The following EFL1 variants were observed in gnomAD, a reference collection of about 807,000 sequenced individuals.
EFL1 encodes the protein elongation factor-like GTPase 1.
A neutral mutation model predicts 126.7 loss-of-function variants in EFL1; 76 were observed. The observed-to-expected ratio is 0.60, with a 90% CI of 0.50 to 0.73. EFL1 has a LOEUF of 0.73. Ranked by LOEUF, EFL1 falls within the 30% of genes least tolerant of loss-of-function variation. EFL1 has a pLI of 0.00. For missense variants in EFL1, 1,128 were observed against 1,343.2 expected, an observed-to-expected ratio of 0.84 and a Z score of 2.50; for synonymous variants, 410 against 448.4, an observed-to-expected ratio of 0.91 and a Z score of 1.08.
At chr15:82,138,935 T>C in intron 18 of EFL1, 93 bp from the exon 19 acceptor site, 1 of 1,148,564 alleles carries the variant, frequency 8.7e-7, no homozygotes, top group Non-Finnish European at 1.2e-6. Flanking sequence ...TAACAATCCA[T>C]AAATGATTAA....
chr15:82,209,632 G>A (rs1473193801), intron 15 of EFL1, among the ~76,000 whole-genome samples: 1 of 152,206 alleles, frequency 6.6e-6, no homozygotes, highest in African/African-American at 2.4e-5. Context: ...GATATTCTCA[G>A]TAGGGAAAAG....
rs551933884 is a variant in EFL1, at chr15:82,261,636, G to C, written c.91+52C>G. ...CAGCTTCACTCCACTGAGACATACAGAGACACATCTCCCTTATTTATCAAA... is the reference window on the plus strand; with the variant it reads ...CAGCTTCACTCCACTGAGACATACACAGACACATCTCCCTTATTTATCAAA... On this transcript the variant is annotated intron_variant, in intron 2 of 19. Transcript: ENST00000268206. The C allele has an allele frequency of 5.3e-5, 82 of 1,534,700 alleles. 1 individual carries two copies. The South Asian group carries it at 7.7e-4, about 14-fold the overall frequency.
At chr15:82,225,424 A>G (rs1388971653) in intron 11 of EFL1, among the ~76,000 whole-genome samples, 160 bp from the exon 12 acceptor site, 1 of 152,250 alleles carries the variant, frequency 6.6e-6, no homozygotes, top group Non-Finnish European at 1.5e-5. Context: ...AATTTTAATT[A>G]GAAAAGGGTA....
rs552358809 is a variant in EFL1 at position 82,258,178 on chromosome 15, CTT to C, written c.159+908_159+909del. Among the ~76,000 whole-genome samples the C allele has an allele frequency of 1.5e-3, 225 of 152,306 alleles. 1 individual carries two copies. The highest frequency in any genetic ancestry group is 5.3e-3 in the African/African-American group (219 of 41,550). Reference sequence around the variant, plus strand: ...AAATTCATTATGGAAACGAATATATCTTTATTTTTCTACTGCCAAGTAAATTA... The same window carrying C: ...AAATTCATTATGGAAACGAATATATCTATTTTTCTACTGCCAAGTAAATTA... On this transcript the variant is annotated intron_variant, in intron 3 of 19. Coordinates refer to ENST00000268206, the MANE Select transcript of EFL1 (RefSeq NM_024580.6).
chr15:82,156,302 T>C (rs1312160950), intron 17 of EFL1, among the ~76,000 whole-genome samples: 2 of 152,200 alleles, frequency 1.3e-5, no homozygotes, highest in Non-Finnish European at 2.9e-5. Context: ...ATTCTATTTT[T>C]TTTGAGACAG....
intron 19 of EFL1, among the ~76,000 whole-genome samples, chr15:82,132,745 C>T (rs915246931): frequency 6.0e-5 from 8 of 132,632 alleles, no homozygotes; most frequent in Admixed American, 1.5e-4. Context: ...AGACGAGAAA[C>T]GGCAGTTAAG....
intron 4 of EFL1, among the ~76,000 whole-genome samples, chr15:82,251,038 C>A (rs942299810): frequency 1.3e-5 from 2 of 151,982 alleles, no homozygotes; most frequent in Admixed American, 1.3e-4. Context: ...ATGGTGAAAC[C>A]CCGCCTCTAC....
intron 3 of EFL1, among the ~76,000 whole-genome samples, chr15:82,256,592 C>T (rs1314682415): frequency 6.6e-6 from 1 of 152,168 alleles, no homozygotes; most frequent in Non-Finnish European, 1.5e-5. Flanking sequence ...AGTTTTAACA[C>T]TTCATCATTA....
intron 9 of EFL1, among the ~76,000 whole-genome samples, 197 bp downstream of exon 9, chr15:82,228,837 T>G (rs2074791496): frequency 6.6e-6 from 1 of 152,200 alleles, no homozygotes; most frequent in Non-Finnish European, 1.5e-5. Context: ...TGCTATCCTG[T>G]CCCTCCAACA....
intron 3 of EFL1, among the ~76,000 whole-genome samples, chr15:82,255,671 T>C (rs187932820): frequency 6.6e-6 from 1 of 152,292 alleles, no homozygotes; most frequent in Admixed American, 6.5e-5. Flanking sequence ...TTGTGTGTGG[T>C]GTTAACTAGA....
intron 19 of EFL1, among the ~76,000 whole-genome samples, chr15:82,138,202 T>C (rs1334971874): frequency 6.6e-6 from 1 of 152,140 alleles, no homozygotes; most frequent in Non-Finnish European, 1.5e-5. Flanking sequence ...CAGTACATAA[T>C]AATTTAAAGC....
chr15:82,219,674 C>T lies in EFL1; in HGVS notation c.1589G>A (p.Ser530Asn), dbSNP rs1267396616. Residue 530 changes from serine to asparagine, a missense_variant, in exon 14 of 20, where the codon AGT (serine) becomes AAT (asparagine). This residue lies in a region of EFL1 where 120 missense variants were observed against 142.1 expected (regional missense o/e 0.84). Coordinates refer to ENST00000268206, the MANE Select transcript of EFL1 (RefSeq NM_024580.6). ...TACCCTTCGTAAAAACTCAAGAGGA[C>T]TGTATTTGGGCCCCAAGACAAAAAT... ...KKIFVLGPKY[S>N]PLEFLRRVPL... is the part of the protein sequence containing the mutation. The T allele has an allele frequency of 4.3e-6, 7 of 1,612,546 alleles. No homozygotes were observed. In the African/African-American group the frequency reaches 5.3e-5, roughly 12 times the overall value.
At chr15:82,185,639 T>C (rs2074296065) in intron 15 of EFL1, among the ~76,000 whole-genome samples, 2 of 151,948 alleles carry the variant, frequency 1.3e-5, no homozygotes, top group Admixed American at 1.3e-4. Flanking sequence ...TACCACAATT[T>C]AAAAACACAG....
intron 15 of EFL1, among the ~76,000 whole-genome samples, chr15:82,164,828 C>T (rs886859416): frequency 1.3e-4 from 19 of 142,726 alleles, no homozygotes; most frequent in African/African-American, 5.0e-4. Flanking sequence ...ACCTGGGAGG[C>T]GGGGGATGCA....
intron 15 of EFL1, among the ~76,000 whole-genome samples, chr15:82,175,749 A>C (rs1310790452): frequency 6.6e-6 from 1 of 152,150 alleles, no homozygotes; most frequent in South Asian, 2.1e-4. Flanking sequence ...GCTACTCGGA[A>C]GGCTGAGGTG....
intron 19 of EFL1, among the ~76,000 whole-genome samples, chr15:82,132,079 G>T (rs74030917): frequency 1.3e-3 from 191 of 152,330 alleles, no homozygotes; most frequent in African/African-American, 4.5e-3. Flanking sequence ...TTGTGACAGT[G>T]TTGAAATGCT....
At chr15:82,258,390 C>G (rs2075084400) in intron 3 of EFL1, among the ~76,000 whole-genome samples, 1 of 151,990 alleles carries the variant, frequency 6.6e-6, no homozygotes, top group African/African-American at 2.4e-5. Flanking sequence ...AAAACCCTGT[C>G]TCTACAAAAA....
At position 82,151,871 on chromosome 15, in the gene EFL1, T is replaced by A; in HGVS notation, c.2583A>T (p.Arg861Ser). ...CAATGCTATTGCCCAAATCTCGGTA[T>A]CTACTGGCTTCTTTTGAAGCTTTGT... ...PADKASKEASRYRDLGNSIVS... is the reference protein window; with the variant it reads ...PADKASKEASSYRDLGNSIVS... Residue 861 changes from arginine (R) to serine (S), a missense_variant, in exon 18 of 20, where the codon AGA becomes AGT. Physicochemically the swap from Arg to Ser is moderately radical, Grantham distance 110. Coordinates refer to ENST00000268206, the MANE Select transcript of EFL1 (RefSeq NM_024580.6). The A allele has an allele frequency of 6.2e-7, 1 of 1,614,176 alleles. No homozygotes were observed.
intron 4 of EFL1, among the ~76,000 whole-genome samples, chr15:82,246,515 G>A (rs1371843562): frequency 6.6e-6 from 1 of 152,020 alleles, no homozygotes; most frequent in East Asian, 1.9e-4. Flanking sequence ...ACTAAGAAGG[G>A]GGAAGAGGGA....
Sources: allele counts gnomAD v4.1 joint callset (sites outside exome capture counted in the v4.1 genomes callset), GRCh38; gene constraint gnomAD v4.1.1; regional missense constraint gnomAD v4.1.1; transcripts MANE v1.5; gene names NCBI Gene and HGNC (gene_info 2026-07-23, HGNC 2026-07-21).